Variants in MSH3 observed in about 807,000 individuals in gnomAD.
MSH3 encodes the protein DNA mismatch repair protein Msh3.
A neutral mutation model predicts 123.3 loss-of-function variants in MSH3; 106 were observed. That is an observed-to-expected ratio of 0.86 (90% CI 0.73 to 1.01). The LOEUF is 1.01. Among genes scored for constraint, MSH3 ranks in the 50% least tolerant of loss-of-function variants. The pLI is 0.00. For synonymous variants in MSH3, 515 were observed against 481.4 expected (o/e 1.07, Z -0.91); for missense variants, 1,459 against 1,347.6 (o/e 1.08, Z -1.29).
intron 8 of MSH3, among the ~76,000 whole-genome samples, chr5:80,719,022 C>G (rs1580583294): frequency 6.6e-6 from 1 of 151,796 alleles, no homozygotes; most frequent in Non-Finnish European, 1.5e-5. Context: ...AGTAATCCTT[C>G]CCTAGTTTCT....
chr5:80,752,223 A>C (rs765009956), intron 12 of MSH3, among the ~76,000 whole-genome samples: 23 of 152,016 alleles, frequency 1.5e-4, no homozygotes, highest in Non-Finnish European at 2.6e-4. Context: ...AAAAGTAGCC[A>C]AGGTGGAATG....
chr5:80,688,516 AAATT>A (rs1750145461), intron 8 of MSH3, among the ~76,000 whole-genome samples: 1 of 152,186 alleles, frequency 6.6e-6, no homozygotes, highest in Non-Finnish European at 1.5e-5. Flanking sequence ...ATCTCTTATT[AAATT>A]AATTTATATA....
chr5:80,791,773 A>G (rs1434038732), intron 18 of MSH3, among the ~76,000 whole-genome samples: 1 of 152,204 alleles, frequency 6.6e-6, no homozygotes, highest in Admixed American at 6.5e-5. Context: ...AGATTACAGT[A>G]TGACTTTTCC....
Position 80,665,263 on chromosome 5 carries a change from T to G in MSH3, c.479T>G (p.Phe160Cys). 1.9e-6 allele frequency: 3 copies of G among 1,614,082 alleles called. No individual in the cohort carries two copies. Among genetic ancestry groups the G allele is most frequent in the Non-Finnish European group, 2.5e-6 (3 of 1,179,978 alleles). Residue 160 changes from phenylalanine (F) to cysteine (C), a missense_variant, in exon 3 of 24, where the codon TTT becomes TGT. Coordinates refer to ENST00000265081, the MANE Select transcript of MSH3 (RefSeq NM_002439.5). ...RVQTESLQER[F>C]AVLPKCTDFD... is the part of the protein sequence containing the mutation. Reference sequence around the variant, plus strand: ...CAGACAGAATCTCTGCAGGAGAGATTTGCAGTTCTGCCAAAATGTACTGAT... The same window carrying G: ...CAGACAGAATCTCTGCAGGAGAGATGTGCAGTTCTGCCAAAATGTACTGAT...
chr5:80,869,865 A>G (rs1746181039), intron 22 of MSH3, among the ~76,000 whole-genome samples: 1 of 73,560 alleles, frequency 1.4e-5, no homozygotes, highest in Admixed American at 1.3e-4. Flanking sequence ...CACACACACT[A>G]TATAAAAAAA....
At chr5:80,822,077 C>T (rs549018628) in intron 20 of MSH3, among the ~76,000 whole-genome samples, 3 of 152,242 alleles carry the variant, frequency 2.0e-5, no homozygotes, top group Admixed American at 2.0e-4. Flanking sequence ...TAATTACCTG[C>T]AAAATGTGAG....
chr5:80,671,273 G>A (rs926670044), intron 4 of MSH3, among the ~76,000 whole-genome samples: 2 of 152,218 alleles, frequency 1.3e-5, no homozygotes, highest in Non-Finnish European at 1.5e-5. Context: ...ATGAATGCTT[G>A]TGATGATTCT....
chr5:80,708,470 T>G (rs182569686), intron 8 of MSH3, among the ~76,000 whole-genome samples: 1 of 151,952 alleles, frequency 6.6e-6, no homozygotes, highest in Non-Finnish European at 1.5e-5. Flanking sequence ...TTATTTATTT[T>G]TTTTAGAGAC....
Position 80,784,228 on chromosome 5 carries a change from AAAAAAAAAAAAG to A in MSH3, c.2436-3336_2436-3325del, listed in dbSNP as rs1167921628. 4.1e-3 allele frequency among the ~76,000 whole-genome samples: 565 copies of A among 138,924 alleles called. 49 individuals carry two copies. Among genetic ancestry groups the A allele is most frequent in the African/African-American group, 0.015 (534 of 34,532 alleles). 91.1% of individuals were successfully genotyped at this position (138,924 alleles called of 152,430 possible). ...ACTACGTCGCAAAAAAAAAAAAAAA[AAAAAAAAAAAAG>A]GGAAATAAATAAATAAATAAATAAA... On this transcript the variant is annotated intron_variant, in intron 17 of 23. Transcript: ENST00000265081.
chr5:80,869,862 A>ACACACACACT (rs1554077178), intron 22 of MSH3, among the ~76,000 whole-genome samples: 5 of 145,636 alleles, frequency 3.4e-5, no homozygotes, highest in Admixed American at 2.8e-4. Flanking sequence ...ACACACACAC[A>ACACACACACT]CTATATAAAA....
At chr5:80,700,565 GT>G (rs941111995) in intron 8 of MSH3, among the ~76,000 whole-genome samples, 18 of 148,302 alleles carry the variant, frequency 1.2e-4, no homozygotes, top group Admixed American at 3.4e-4. Flanking sequence ...TTTTCAGTAG[GT>G]TTTTTTTTTA....
chr5:80,660,957 C>T (rs1358558410), intron 2 of MSH3, among the ~76,000 whole-genome samples: 2 of 152,064 alleles, frequency 1.3e-5, no homozygotes, highest in Admixed American at 6.5e-5. Context: ...CGCCACCACG[C>T]CTGGTTAATT....
At chr5:80,740,508 C>T (rs907709291) in intron 10 of MSH3, among the ~76,000 whole-genome samples, 1 of 151,788 alleles carries the variant, frequency 6.6e-6, no homozygotes, top group African/African-American at 2.4e-5. Context: ...CAGGCGTGCG[C>T]CACTACACCC....
intron 8 of MSH3, among the ~76,000 whole-genome samples, chr5:80,689,668 T>A (rs112549750): frequency 6.6e-6 from 1 of 151,364 alleles, no homozygotes; most frequent in Non-Finnish European, 1.5e-5. Flanking sequence ...AAAAATAAAC[T>A]GTTCCTACCA....
At chr5:80,704,072 C>A (rs1442095132) in intron 8 of MSH3, among the ~76,000 whole-genome samples, 1 of 152,140 alleles carries the variant, frequency 6.6e-6, no homozygotes, top group African/African-American at 2.4e-5. Context: ...TTTGACACTC[C>A]TTCTGCTGAA....
intron 12 of MSH3, among the ~76,000 whole-genome samples, chr5:80,750,983 C>T (rs530923017): frequency 5.9e-4 from 90 of 152,214 alleles, no homozygotes; most frequent in African/African-American, 1.9e-3. Context: ...TTGTATCACT[C>T]ATTGATAGCA....
At position 80,654,674 on chromosome 5, in the gene MSH3, CGG is replaced by C; in HGVS notation, c.-52_-51del. The C allele has an allele frequency of 1.3e-6, 2 of 1,522,988 alleles. No homozygotes were observed. The highest frequency in any genetic ancestry group is 1.8e-6 in the Non-Finnish European group (2 of 1,126,872). The allele number at this position is 1,522,988 out of a possible 1,614,324, so 94.3% of individuals were successfully genotyped here. Reference sequence around the variant, plus strand: ...CGCAGACGCCTGGGAACTGCGGCCGCGGGCTCGCGCTCCTCGCCAGGCCCTGC... The same window carrying C: ...CGCAGACGCCTGGGAACTGCGGCCGCGCTCGCGCTCCTCGCCAGGCCCTGC... On this transcript the variant is annotated 5_prime_UTR_variant, in exon 1 of 24. Coordinates refer to ENST00000265081, the MANE Select transcript of MSH3 (RefSeq NM_002439.5).
At chr5:80,790,160 G>A (rs1031729477) in intron 18 of MSH3, among the ~76,000 whole-genome samples, 2 of 152,144 alleles carry the variant, frequency 1.3e-5, no homozygotes, top group Admixed American at 6.5e-5. Context: ...ACTTGTACAC[G>A]TGGAGATGTG....
Position 80,761,548 on chromosome 5 carries a change from A to G in MSH3, c.1766A>G (p.Glu589Gly). Reference protein sequence around the residue: ...WVTQPLLKLREINARLDAVSE... With the variant: ...WVTQPLLKLRGINARLDAVSE... ...TTGCTATTACTCTTTTCTCACAGGG[A>G]AATAAATGCCCGGCTTGATGCTGTA... is the stretch of plus-strand genomic sequence containing the variant. Residue 589 changes from glutamate to glycine, a missense_variant and splice_region_variant, in exon 13 of 24, where the codon GAA (glutamate) becomes GGA (glycine). Transcript: ENST00000265081. 1.2e-6 allele frequency: 2 copies of G among 1,614,130 alleles called. No homozygotes were observed. Among genetic ancestry groups the G allele is most frequent in the South Asian group, 1.1e-5 (1 of 91,084 alleles).
Sources: allele counts gnomAD v4.1 joint callset (sites outside exome capture counted in the v4.1 genomes callset), GRCh38; gene constraint gnomAD v4.1.1; transcripts MANE v1.5; gene names NCBI Gene and HGNC (gene_info 2026-07-23, HGNC 2026-07-21).